Variants in ALOX5 observed in about 807,000 individuals in gnomAD.
ALOX5 encodes the protein arachidonate 5-lipoxygenase.
In ALOX5, 64 loss-of-function variants were observed where a neutral mutation model predicts 87.9. The observed-to-expected ratio is 0.73, with a 90% CI of 0.60 to 0.90. The LOEUF is 0.90. ALOX5 is among the 40% of genes least tolerant of loss of function. The probability of loss-of-function intolerance (pLI) is 0.00; values close to 1 mark genes in which losing one functional copy is unlikely to be tolerated. For synonymous variants in ALOX5, 388 were observed against 355.1 expected (o/e 1.09, Z -1.04); for missense variants, 822 against 907.5 (o/e 0.91, Z 1.21).
chr10:45,419,844 G>T (rs1317265780), intron 4 of ALOX5, among the ~76,000 whole-genome samples: 1 of 152,226 alleles, frequency 6.6e-6, no homozygotes, highest in Non-Finnish European at 1.5e-5. Context: ...GACGGGCAGG[G>T]TGCCTGTGGA....
At chr10:45,374,450 G>C (rs772918040) in intron 1 of ALOX5, 21 bp downstream of exon 1, 2 of 1,522,656 alleles carry the variant, frequency 1.3e-6, no homozygotes, top group South Asian at 1.3e-5. Context: ...GCGGGGCACG[G>C]GTGGAGCGCG....
intron 7 of ALOX5, among the ~76,000 whole-genome samples, chr10:45,438,181 C>G (rs1842117626): frequency 6.7e-6 from 1 of 149,956 alleles, no homozygotes; most frequent in African/African-American, 2.5e-5. Flanking sequence ...TGCCTAATTG[C>G]TCTGACTAGG....
intron 4 of ALOX5, among the ~76,000 whole-genome samples, chr10:45,419,637 G>C (rs1042558899): frequency 6.6e-6 from 1 of 152,246 alleles, no homozygotes; most frequent in Non-Finnish European, 1.5e-5. Context: ...CCCAGTGTTC[G>C]GGGATTCCCG....
chr10:45,400,471 C>T (rs111841221), intron 3 of ALOX5, among the ~76,000 whole-genome samples: 13 of 152,134 alleles, frequency 8.5e-5, no homozygotes, highest in South Asian at 4.1e-4. Context: ...TGTTGGTGCA[C>T]GCCTGTAATC....
chr10:45,374,432 G>A lies in ALOX5; in HGVS notation c.150+3G>A, dbSNP rs1188891500. On this transcript the variant is annotated splice_donor_region_variant and intron_variant, in intron 1 of 13. Transcript: ENST00000374391. ...ACAACGACTTCGAGCGTGGCGCGGT[G>A]AGCGCGGGCGGGGCACGGGTGGAGC... is the stretch of plus-strand genomic sequence containing the variant. 5.8e-6 allele frequency: 9 copies of A among 1,549,904 alleles called. No individual in the cohort carries two copies. In the African/African-American group the frequency reaches 1.0e-4, roughly 17 times the overall value.
At chr10:45,427,282 C>T (rs73283198) in intron 6 of ALOX5, among the ~76,000 whole-genome samples, 5,213 of 152,280 alleles carry the variant, frequency 0.034, 113 homozygotes, top group South Asian at 0.076. Flanking sequence ...CTCTCAAAGT[C>T]CAGCTATCCA....
At chr10:45,411,783 G>T (rs368840215) in intron 3 of ALOX5, among the ~76,000 whole-genome samples, 1 of 152,342 alleles carries the variant, frequency 6.6e-6, no homozygotes, top group East Asian at 1.9e-4. Context: ...TGATCAAGTT[G>T]GCAGAATGGT....
intron 3 of ALOX5, among the ~76,000 whole-genome samples, 166 bp downstream of exon 3, chr10:45,396,102 C>G (rs1249394691): frequency 6.6e-6 from 1 of 152,168 alleles, no homozygotes. Context: ...TTCACCTTAC[C>G]TACAACTCCA....
chr10:45,404,357 C>G (rs529525260), intron 3 of ALOX5, among the ~76,000 whole-genome samples: 1 of 152,208 alleles, frequency 6.6e-6, no homozygotes, highest in Non-Finnish European at 1.5e-5. Context: ...AGAAAGCTGG[C>G]GCTTCTTGCA....
chr10:45,442,979 T>C (rs1842286435), intron 9 of ALOX5, 59 bp from the exon 10 acceptor site: 6 of 1,532,558 alleles, frequency 3.9e-6, no homozygotes, highest in Admixed American at 2.0e-5. Flanking sequence ...TCCTCAGGGA[T>C]GGGTCTGGAC....
rs1193875048 is a variant in ALOX5, at chr10:45,444,152, A to G, written c.1711A>G (p.Thr571Ala). ...CTCCTGGATCCCCAATGCGCCCCCA[A>G]CCATGCGAGCCCCGCCACCGACTGC... is the stretch of plus-strand genomic sequence containing the variant. ...WCSWIPNAPP[T>A]MRAPPPTAKG... Residue 571 changes from threonine (T) to alanine (A), a missense_variant, in exon 13 of 14, where the codon ACC (threonine) becomes GCC (alanine). Transcript: ENST00000374391. 1 of 1,553,430 alleles carries G rather than the reference A, an allele frequency of 6.4e-7. No individual in the cohort carries two copies. The highest frequency in any genetic ancestry group is 8.7e-7 in the Non-Finnish European group (1 of 1,148,520).
intron 3 of ALOX5, among the ~76,000 whole-genome samples, chr10:45,405,641 A>G (rs2115819): frequency 0.42 from 64,228 of 151,962 alleles, 14,593 homozygotes; most frequent in East Asian, 0.78. Flanking sequence ...TGCTTAAGAA[A>G]ACCCTTTCCA....
At chr10:45,404,486 C>G (rs992734220) in intron 3 of ALOX5, among the ~76,000 whole-genome samples, 3 of 152,226 alleles carry the variant, frequency 2.0e-5, no homozygotes, top group African/African-American at 7.2e-5. Context: ...CACTCACACA[C>G]AGCAGTAAAT....
intron 2 of ALOX5, among the ~76,000 whole-genome samples, chr10:45,388,241 C>T (rs894361348): frequency 1.3e-5 from 2 of 152,230 alleles, no homozygotes; most frequent in Non-Finnish European, 2.9e-5. Flanking sequence ...GCCTGCCAGC[C>T]TCTGTAGACT....
chr10:45,400,142 C>T (rs192734841), intron 3 of ALOX5, among the ~76,000 whole-genome samples: 217 of 152,264 alleles, frequency 1.4e-3, no homozygotes, highest in Admixed American at 2.8e-3. Context: ...TAGGCCTCTA[C>T]CCAAGAATAT....
chr10:45,398,123 T>A (rs939416674), intron 3 of ALOX5, among the ~76,000 whole-genome samples: 1 of 152,206 alleles, frequency 6.6e-6, no homozygotes, highest in Non-Finnish European at 1.5e-5. Context: ...TTCAAGACAA[T>A]GTGATATCGG....
At chr10:45,397,107 G>A (rs1211605522) in intron 3 of ALOX5, among the ~76,000 whole-genome samples, 2 of 152,230 alleles carry the variant, frequency 1.3e-5, no homozygotes, top group Admixed American at 6.5e-5. Context: ...ATTAGGCTGG[G>A]CGTGGTGGTT....
At chr10:45,436,562 G>T (rs1842066402) in intron 7 of ALOX5, among the ~76,000 whole-genome samples, 1 of 152,048 alleles carries the variant, frequency 6.6e-6, no homozygotes, top group Non-Finnish European at 1.5e-5. Context: ...GTTGGTTGCA[G>T]GTATATGGCT....
intron 3 of ALOX5, among the ~76,000 whole-genome samples, chr10:45,396,446 G>C (rs1840510290): frequency 6.6e-6 from 1 of 152,036 alleles, no homozygotes; most frequent in Admixed American, 6.6e-5. Context: ...TAATAAAAAA[G>C]AATACTATGA....
Sources: allele counts gnomAD v4.1 joint callset (sites outside exome capture counted in the v4.1 genomes callset), GRCh38; gene constraint gnomAD v4.1.1; transcripts MANE v1.5; gene names NCBI Gene and HGNC (gene_info 2026-07-23, HGNC 2026-07-21).